The following L3MBTL4 variants were observed in gnomAD, a reference collection of about 807,000 sequenced individuals.
The protein encoded by L3MBTL4 is lethal(3)malignant brain tumor-like protein 4.
Under a neutral mutation model 84.5 loss-of-function variants are expected in L3MBTL4, and 70 were observed. The observed-to-expected ratio is 0.83, with a 90% confidence interval of 0.68 to 1.01. The LOEUF (loss-of-function observed/expected upper bound fraction) is 1.01. L3MBTL4 is among the 50% of genes least tolerant of loss of function. The pLI, the probability that L3MBTL4 is intolerant of heterozygous loss-of-function variation, is 0.00. For synonymous variants in L3MBTL4, 274 were observed against 259.8 expected, an observed-to-expected ratio of 1.05 and a Z score of -0.52; for missense variants, 715 against 754.8, an observed-to-expected ratio of 0.95 and a Z score of 0.62.
rs375526126 is a variant in L3MBTL4 at position 6,244,567 on chromosome 18, C to T, written c.241G>A (p.Glu81Lys). 73 of 1,612,994 alleles carry T rather than the reference C, an allele frequency of 4.5e-5. 1 individual carries two copies. Among genetic ancestry groups the T allele is most frequent in the Non-Finnish European group, 5.9e-6 (7 of 1,179,100 alleles). ...CTCATTCCAATCTGAAAACCATTTT[C>T]ATGCTCTGGAAAGGACTGATCCTAC... ...FSKDQSFPEH[E>K]NGFQIGMRLE... The change falls in exon 6 of 19, where the codon GAA becomes AAA. Residue 81 changes from glutamate to lysine, a missense_variant. Glu to Lys is a moderately conservative substitution (Grantham distance 56). Transcript: ENST00000317931.
Position 6,413,678 on chromosome 18 carries a change from G to T in L3MBTL4, c.-91+1123C>A, listed in dbSNP as rs573910195. Among the ~76,000 whole-genome samples, 3 of 152,322 alleles carry T rather than the reference G, an allele frequency of 2.0e-5. No homozygotes were observed. The East Asian group carries it at 5.8e-4, about 29-fold the overall frequency. On this transcript the variant is annotated intron_variant, in intron 1 of 18. Transcript: ENST00000317931. ...ACAGCTCCAACAGAAGGATCCAGGA[G>T]ATGGGCCACCAGCAAGTCATAGTGG...
chr18:6,379,008 G>A (rs2054489074), intron 1 of L3MBTL4, among the ~76,000 whole-genome samples: 4 of 152,162 alleles, frequency 2.6e-5, no homozygotes, highest in Non-Finnish European at 2.9e-5. Flanking sequence ...GCAGTGGTTT[G>A]TAGTTCTCCT....
intron 10 of L3MBTL4, among the ~76,000 whole-genome samples, chr18:6,218,841 G>A (rs954409340): frequency 6.6e-6 from 1 of 152,186 alleles, no homozygotes. Context: ...GCAAGAAGTA[G>A]GGCTGCAGGG....
intron 1 of L3MBTL4, among the ~76,000 whole-genome samples, chr18:6,365,425 A>G (rs556703349): frequency 1.3e-5 from 2 of 152,350 alleles, no homozygotes; most frequent in African/African-American, 4.8e-5. Flanking sequence ...TGCACATGAT[A>G]ATGCTCTAAC....
At chr18:6,136,431 G>A (rs2060030661) in intron 14 of L3MBTL4, among the ~76,000 whole-genome samples, 1 of 152,162 alleles carries the variant, frequency 6.6e-6, no homozygotes, top group Non-Finnish European at 1.5e-5. Flanking sequence ...AAGGACCAGA[G>A]GCTACTCCCT....
intron 4 of L3MBTL4, among the ~76,000 whole-genome samples, chr18:6,291,569 A>T (rs1269175560): frequency 6.6e-6 from 1 of 152,232 alleles, no homozygotes. Flanking sequence ...CTTATCTTCA[A>T]CAAAATGCAC....
chr18:6,152,810 C>A (rs967340205), intron 13 of L3MBTL4, among the ~76,000 whole-genome samples: 7 of 152,068 alleles, frequency 4.6e-5, no homozygotes, highest in African/African-American at 1.7e-4. Flanking sequence ...ACTATCAAAA[C>A]CAATGTCTTG....
At chr18:6,329,806 C>A (rs913942018) in intron 1 of L3MBTL4, among the ~76,000 whole-genome samples, 2 of 152,182 alleles carry the variant, frequency 1.3e-5, no homozygotes, top group Non-Finnish European at 1.5e-5. Context: ...GTGGATTAAT[C>A]CATTCAAGGC....
intron 1 of L3MBTL4, among the ~76,000 whole-genome samples, chr18:6,319,876 T>C (rs1018892355): frequency 4.6e-5 from 7 of 152,030 alleles, no homozygotes; most frequent in East Asian, 1.9e-4. Context: ...CTGATGAACA[T>C]AGATGCAAAA....
chr18:6,186,454 G>A (rs1239801435), intron 12 of L3MBTL4, among the ~76,000 whole-genome samples: 1 of 152,186 alleles, frequency 6.6e-6, no homozygotes, highest in East Asian at 1.9e-4. Flanking sequence ...GGAAGGCCCT[G>A]CCGAGAGACT....
At chr18:6,013,288 G>T (rs545028368) in intron 16 of L3MBTL4, among the ~76,000 whole-genome samples, 2 of 152,104 alleles carry the variant, frequency 1.3e-5, no homozygotes, top group African/African-American at 4.8e-5. Context: ...AGACTCACCC[G>T]CTCCTTCTCC....
chr18:6,018,544 C>A (rs2055105324), intron 16 of L3MBTL4, among the ~76,000 whole-genome samples: 1 of 152,216 alleles, frequency 6.6e-6, no homozygotes, highest in Non-Finnish European at 1.5e-5. Context: ...GCATCAGCTA[C>A]ATCCAGAAGT....
intron 1 of L3MBTL4, among the ~76,000 whole-genome samples, chr18:6,324,957 T>C (rs2051639378): frequency 6.6e-6 from 1 of 152,154 alleles, no homozygotes; most frequent in Admixed American, 6.5e-5. Flanking sequence ...CACAATGAGC[T>C]ACCAATGCAT....
chr18:6,021,510 C>T (rs889572065), intron 16 of L3MBTL4, among the ~76,000 whole-genome samples: 15 of 152,274 alleles, frequency 9.9e-5, no homozygotes, highest in Non-Finnish European at 1.8e-4. Flanking sequence ...GGAAGCACCG[C>T]GGCGTGCCAT....
intron 14 of L3MBTL4, among the ~76,000 whole-genome samples, chr18:6,131,613 T>C (rs1382794134): frequency 6.6e-6 from 1 of 152,156 alleles, no homozygotes; most frequent in Non-Finnish European, 1.5e-5. Flanking sequence ...ATAGTACACC[T>C]AGGAATCTGG....
At chr18:6,028,930 T>C (rs2055643600) in intron 16 of L3MBTL4, among the ~76,000 whole-genome samples, 1 of 152,214 alleles carries the variant, frequency 6.6e-6, no homozygotes, top group Non-Finnish European at 1.5e-5. Context: ...TTTCAGATAA[T>C]AAGACCAGAG....
intron 13 of L3MBTL4, among the ~76,000 whole-genome samples, chr18:6,140,459 G>C (rs1233305099): frequency 6.6e-6 from 1 of 152,160 alleles, no homozygotes; most frequent in Non-Finnish European, 1.5e-5. Flanking sequence ...ACATTGTGCA[G>C]ACGAGGTGTT....
chr18:6,019,764 T>C (rs1287054694), intron 16 of L3MBTL4, among the ~76,000 whole-genome samples: 1 of 152,246 alleles, frequency 6.6e-6, no homozygotes, highest in Non-Finnish European at 1.5e-5. Context: ...GGATCTTATA[T>C]TGGCTCCTCA....
At chr18:6,208,650 C>T (rs2045971885) in intron 12 of L3MBTL4, among the ~76,000 whole-genome samples, 1 of 152,100 alleles carries the variant, frequency 6.6e-6, no homozygotes, top group Non-Finnish European at 1.5e-5. Context: ...TAAAAGCATC[C>T]ACCCATCTAC....
Sources: allele counts gnomAD v4.1 joint callset (sites outside exome capture counted in the v4.1 genomes callset), GRCh38; gene constraint gnomAD v4.1.1; transcripts MANE v1.5; gene names NCBI Gene and HGNC (gene_info 2026-07-23, HGNC 2026-07-21).